The following AK2 variants were observed in gnomAD, a reference collection of about 807,000 sequenced individuals.
The protein encoded by AK2 is adenylate kinase 2, mitochondrial.
AK2 carries 15 observed loss-of-function variants against 24.6 expected under a neutral mutation model. The ratio of observed to expected loss-of-function variants is 0.61; its 90% CI spans 0.41 to 0.94. The LOEUF is 0.94. AK2 is among the 40% of genes least tolerant of loss of function. AK2 has a pLI of 0.00. For synonymous variants in AK2, 102 were observed against 114.0 expected (o/e 0.90, Z 0.67); for missense variants, 257 against 304.1 (o/e 0.85, Z 1.15).
At chr1:33,024,058 C>T (rs542878126) in intron 2 of AK2, 1 of 270,192 alleles carries the variant, frequency 3.7e-6, no homozygotes, top group Admixed American at 5.0e-5. Flanking sequence ...GTAATCCTAG[C>T]TACTCGGGAG....
chr1:33,036,611 G>T, intron 1 of AK2, 125 bp downstream of exon 1: 1 of 891,036 alleles, frequency 1.1e-6, no homozygotes, highest in Non-Finnish European at 1.8e-6. Context: ...CGAGACCCCG[G>T]CCAGCGTTCC....
chr1:33,021,777 G>T, intron 2 of AK2, 74 bp from the exon 3 acceptor site: 2 of 1,185,106 alleles, frequency 1.7e-6, no homozygotes, highest in Non-Finnish European at 2.5e-6. Context: ...CAACTCCACA[G>T]CCAAAAGTTT....
intron 2 of AK2, among the ~76,000 whole-genome samples, chr1:33,023,066 G>A (rs556902678): frequency 6.6e-6 from 1 of 152,150 alleles, no homozygotes; most frequent in East Asian, 1.9e-4. Flanking sequence ...GGTAACTTGA[G>A]GATTAAAGCA....
Position 33,008,460 on chromosome 1 carries a change from C to T in AK2, c.*4721G>A, listed in dbSNP as rs763055557. ...AGACACATACCCTAGGCCCTCAGAGCCGGCAGTGACTTCTTCAAAATCAGT... is the reference window on the plus strand; with the variant it reads ...AGACACATACCCTAGGCCCTCAGAGTCGGCAGTGACTTCTTCAAAATCAGT... On this transcript the variant is annotated 3_prime_UTR_variant, in exon 6 of 6. Transcript: ENST00000672715. The T allele has an allele frequency of 2.2e-6, 1 of 454,096 alleles. No homozygotes were observed. Among genetic ancestry groups the T allele is most frequent in the South Asian group, 1.6e-5 (1 of 64,480 alleles). The allele number at this position is 454,096 out of a possible 1,614,324, so 28.1% of individuals were successfully genotyped here.
In AK2 at chr1:33,010,152, G is replaced by A. The variant is rs1431217206; in HGVS notation, c.*3029C>T. 2.2e-6 allele frequency: 1 copy of A among 454,282 alleles called. No homozygotes were observed. Among genetic ancestry groups the A allele is most frequent in the East Asian group, 6.9e-5 (1 of 14,404 alleles). The allele number at this position is 454,282 out of a possible 1,614,324, so 28.1% of individuals were successfully genotyped here. ...TAAAAGAAGGCAAGAGCATAGGATT[G>A]TGGCATGTGCTGGGTAGCTGTGAGA... On this transcript the variant is annotated 3_prime_UTR_variant, in exon 6 of 6. Coordinates refer to ENST00000672715, the MANE Select transcript of AK2 (RefSeq NM_001625.4).
At chr1:33,033,288 T>G (rs1482436402) in intron 1 of AK2, among the ~76,000 whole-genome samples, 1 of 152,186 alleles carries the variant, frequency 6.6e-6, no homozygotes, top group Non-Finnish European at 1.5e-5. Flanking sequence ...TCCCAGCTAC[T>G]TGGGTGGCTG....
Position 33,021,705 on chromosome 1 carries a change from TG to T in AK2, c.220-3del. The T allele has an allele frequency of 6.2e-7, 1 of 1,610,498 alleles. No individual in the cohort carries two copies. The highest frequency in any genetic ancestry group is 1.1e-5 in the South Asian group (1 of 91,006). On this transcript the variant is annotated splice_region_variant and splice_polypyrimidine_tract_variant and intron_variant, in intron 2 of 5. Coordinates refer to ENST00000672715, the MANE Select transcript of AK2 (RefSeq NM_001625.4). Reference sequence around the variant, plus strand: ...CTCCACTACCATTTCATCACTCACCTGGAAGTTAGGAACAAAATAGCCTTGG... The same window carrying T: ...CTCCACTACCATTTCATCACTCACCTGAAGTTAGGAACAAAATAGCCTTGG...
chr1:33,012,095 T>C lies in AK2; in HGVS notation c.*1086A>G. 6.5e-7 allele frequency: 1 copy of C among 1,535,426 alleles called. No homozygotes were observed. Among genetic ancestry groups the C allele is most frequent in the East Asian group, 2.4e-5 (1 of 40,910 alleles). Reference sequence around the variant, plus strand: ...CTACCCTGGTCTCTTTTTGGGGAAGTAGATTTGACTGCTCTCAGATGATCA... The same window carrying C: ...CTACCCTGGTCTCTTTTTGGGGAAGCAGATTTGACTGCTCTCAGATGATCA... On this transcript the variant is annotated 3_prime_UTR_variant, in exon 6 of 6. Coordinates refer to ENST00000672715, the MANE Select transcript of AK2 (RefSeq NM_001625.4).
chr1:33,019,325 G>A (rs1639387319), intron 4 of AK2, among the ~76,000 whole-genome samples: 1 of 152,126 alleles, frequency 6.6e-6, no homozygotes, highest in Non-Finnish European at 1.5e-5. Flanking sequence ...GCAGGAAGCA[G>A]GTACTCAGGA....
chr1:33,012,291 C>T lies in AK2; in HGVS notation c.*890G>A, dbSNP rs748586737. ...GCCTGGCTCTTTTTATGACGATATCCTCTCCCAGTAATTTCTGTAACCTGC... is the reference window on the plus strand; with the variant it reads ...GCCTGGCTCTTTTTATGACGATATCTTCTCCCAGTAATTTCTGTAACCTGC... On this transcript the variant is annotated 3_prime_UTR_variant, in exon 6 of 6. Transcript: ENST00000672715. 339 of 1,533,698 alleles carry T rather than the reference C, an allele frequency of 2.2e-4. No homozygotes were observed. Among genetic ancestry groups the T allele is most frequent in the Non-Finnish European group, 2.5e-4 (289 of 1,146,458 alleles).
chr1:33,020,680 A>T (rs1235993687), intron 4 of AK2, among the ~76,000 whole-genome samples: 1 of 151,912 alleles, frequency 6.6e-6, no homozygotes, highest in Non-Finnish European at 1.5e-5. Flanking sequence ...ACCTGTCTCT[A>T]CTAAAACTAC....
chr1:33,010,985 A>C lies in AK2; in HGVS notation c.*2196T>G. 1 of 1,535,314 alleles carries C rather than the reference A, an allele frequency of 6.5e-7. No homozygotes were observed. The highest frequency in any genetic ancestry group is 8.8e-7 in the Non-Finnish European group (1 of 1,140,584). ...AAAGCAGAACCTGCTGAGGCTGAGG[A>C]ACTCTGGAATTAAATGAAGCAAAAA... is the stretch of plus-strand genomic sequence containing the variant. On this transcript the variant is annotated 3_prime_UTR_variant, in exon 6 of 6. Transcript: ENST00000672715.
rs2124287845 is a variant in AK2 at position 33,014,536 on chromosome 1, G to C, written c.484C>G (p.Pro162Ala). Reference sequence around the variant, plus strand: ...AGTTTACATACGTCATCTTTCATGGGCTCTTTTGGAGGGTTGAACTCCTCG... The same window carrying C: ...AGTTTACATACGTCATCTTTCATGGCCTCTTTTGGAGGGTTGAACTCCTCG... ...YHEEFNPPKE[P>A]MKDDITGEPL... The change falls in exon 5 of 6, where the codon CCC becomes GCC. Residue 162 changes from proline (P) to alanine (A), a missense_variant. Transcript: ENST00000672715. 3 of 1,612,356 alleles carry C rather than the reference G, an allele frequency of 1.9e-6. No individual in the cohort carries two copies. Among genetic ancestry groups the C allele is most frequent in the Middle Eastern group, 1.7e-4 (1 of 6,036 alleles).
chr1:33,035,935 GGGAA>G (rs1450949674), intron 1 of AK2, among the ~76,000 whole-genome samples: 1 of 151,886 alleles, frequency 6.6e-6, no homozygotes, highest in African/African-American at 2.4e-5. Flanking sequence ...AAAAACCAAA[GGGAA>G]GGAAGATACA....
At chr1:33,020,081 G>T in intron 4 of AK2, 1 of 1,535,254 alleles carries the variant, frequency 6.5e-7, no homozygotes, top group Non-Finnish European at 8.7e-7. Context: ...GTGAAACAGG[G>T]TAGAGACAAC....
intron 1 of AK2, among the ~76,000 whole-genome samples, 183 bp from the exon 2 acceptor site, chr1:33,024,750 G>A (rs1159676922): frequency 1.3e-5 from 2 of 152,164 alleles, no homozygotes; most frequent in African/African-American, 2.4e-5. Flanking sequence ...TGATTATAGG[G>A]TTATGGTAAG....
In AK2 at chr1:33,021,467, A is replaced by G; in HGVS notation, c.331-6T>C. The G allele has an allele frequency of 6.2e-7, 1 of 1,614,034 alleles. No homozygotes were observed. The highest frequency in any genetic ancestry group is 8.5e-7 in the Non-Finnish European group (1 of 1,179,882). On this transcript the variant is annotated splice_region_variant and splice_polypyrimidine_tract_variant and intron_variant, in intron 3 of 5. Coordinates refer to ENST00000672715, the MANE Select transcript of AK2 (RefSeq NM_001625.4). ...TTCTCCATGAGGTCATCGAGCTGTA[A>G]AAGAATGTGTGGCCCACCTAAGCTA...
chr1:33,022,576 C>T (rs181838733), intron 2 of AK2, among the ~76,000 whole-genome samples: 156 of 151,984 alleles, frequency 1.0e-3, no homozygotes, highest in Non-Finnish European at 2.0e-3. Flanking sequence ...AGGCTGGTCT[C>T]GAACTGGTGA....
At chr1:33,016,126 A>C (rs1255128163) in intron 4 of AK2, among the ~76,000 whole-genome samples, 1 of 152,158 alleles carries the variant, frequency 6.6e-6, no homozygotes, top group East Asian at 1.9e-4. Flanking sequence ...CCCTCTGTGG[A>C]TACCAAAATC....
Sources: allele counts gnomAD v4.1 joint callset (sites outside exome capture counted in the v4.1 genomes callset), GRCh38; gene constraint gnomAD v4.1.1; transcripts MANE v1.5; gene names NCBI Gene and HGNC (gene_info 2026-07-23, HGNC 2026-07-21).